The following PDE11A variants were observed in gnomAD, a reference collection of about 807,000 sequenced individuals.
PDE11A encodes the protein phosphodiesterase 11A.
A neutral mutation model predicts 100.5 loss-of-function variants in PDE11A; 100 were observed. The observed-to-expected ratio is 1.00, with a 90% CI of 0.85 to 1.18. The LOEUF (loss-of-function observed/expected upper bound fraction) is 1.18, where lower values mean the gene tolerates loss of function less well. Ranked by LOEUF, PDE11A falls within the 50% of genes most tolerant of loss-of-function variation. The pLI, the probability that PDE11A is intolerant of heterozygous loss-of-function variation, is 0.00. For missense variants in PDE11A, 1,141 were observed against 1,152.6 expected (o/e 0.99, Z 0.15); for synonymous variants, 381 against 420.8 (o/e 0.91, Z 1.16).
intron 9 of PDE11A, 36 bp downstream of exon 9, chr2:177,816,793 G>T: frequency 8.4e-7 from 1 of 1,184,660 alleles, no homozygotes; most frequent in South Asian, 1.2e-5. Context: ...AATTAGAGCT[G>T]ACAGCATACA....
At chr2:177,941,563 T>C (rs2085345886) in intron 2 of PDE11A, among the ~76,000 whole-genome samples, 1 of 152,128 alleles carries the variant, frequency 6.6e-6, no homozygotes, top group South Asian at 2.1e-4. Context: ...TTTCAATCTC[T>C]CTACAAAGAG....
chr2:177,819,864 C>CTCTT (rs1219516494), intron 7 of PDE11A, among the ~76,000 whole-genome samples: 1 of 114,788 alleles, frequency 8.7e-6, no homozygotes, highest in South Asian at 3.6e-4. Flanking sequence ...CTCTCTTTCT[C>CTCTT]TCTTTCTCTC....
At position 177,905,155 on chromosome 2, in the gene PDE11A, G is replaced by A. The variant is rs773645873; in HGVS notation, c.1104C>T (p.Ile368=). ...CAAAGAGCTGAGCGTTAGATATGGC[G>A]ATTCCACAAAATGGAAGATACATCT... ...VMQMYLPFCG[I]AISNAQLFAA... Residue 368 remains isoleucine (I), a synonymous_variant, in exon 3 of 20, where the codon ATC becomes ATT. Coordinates refer to ENST00000286063, the MANE Select transcript of PDE11A (RefSeq NM_016953.4). 3.1e-6 allele frequency: 5 copies of A among 1,607,600 alleles called. No homozygotes were observed. Among genetic ancestry groups the A allele is most frequent in the Middle Eastern group, 1.6e-4 (1 of 6,074 alleles).
intron 10 of PDE11A, among the ~76,000 whole-genome samples, chr2:177,768,039 A>T (rs1375507053): frequency 6.6e-6 from 1 of 152,098 alleles, no homozygotes; most frequent in Non-Finnish European, 1.5e-5. Flanking sequence ...TTACAATTGC[A>T]GGTCTTTCCC....
intron 5 of PDE11A, among the ~76,000 whole-genome samples, chr2:177,847,055 T>G (rs1216185360): frequency 6.6e-6 from 1 of 152,184 alleles, no homozygotes; most frequent in East Asian, 1.9e-4. Flanking sequence ...AACATCATTC[T>G]TCTCCCACCT....
intron 4 of PDE11A, among the ~76,000 whole-genome samples, chr2:177,885,709 C>T (rs539977894): frequency 1.3e-5 from 2 of 152,138 alleles, no homozygotes; most frequent in Non-Finnish European, 2.9e-5. Context: ...CACTGAATTA[C>T]GGACTGCCCC....
chr2:178,081,436 T>C (rs956032790), intron 2 of PDE11A, among the ~76,000 whole-genome samples: 2 of 152,230 alleles, frequency 1.3e-5, no homozygotes, highest in African/African-American at 4.8e-5. Flanking sequence ...ATTCATGCTA[T>C]ACTACAATAA....
chr2:177,900,296 A>T (rs2084676890), intron 3 of PDE11A, among the ~76,000 whole-genome samples: 1 of 152,120 alleles, frequency 6.6e-6, no homozygotes, highest in Non-Finnish European at 1.5e-5. Context: ...CTCAAGTCTG[A>T]CCTCTCACAA....
intron 5 of PDE11A, among the ~76,000 whole-genome samples, chr2:177,849,887 A>G (rs1161448084): frequency 6.6e-6 from 1 of 152,174 alleles, no homozygotes; most frequent in African/African-American, 2.4e-5. Flanking sequence ...ATAAAAGAGG[A>G]TACAAAGAAA....
chr2:178,046,495 A>G (rs1458522229), intron 1 of PDE11A, among the ~76,000 whole-genome samples: 1 of 152,160 alleles, frequency 6.6e-6, no homozygotes, highest in Non-Finnish European at 1.5e-5. Context: ...TCTCCTTTCT[A>G]CTTAGGTTTC....
chr2:177,829,784 G>T (rs1352611529), intron 6 of PDE11A, among the ~76,000 whole-genome samples: 1 of 151,966 alleles, frequency 6.6e-6, no homozygotes, highest in Non-Finnish European at 1.5e-5. Flanking sequence ...TGGCCTCTAA[G>T]AATCCCACCT....
rs143017775 is a variant in PDE11A, at chr2:177,731,224, T to G, written c.1789-3052A>C. Among the ~76,000 whole-genome samples, 567 of 152,344 alleles carry G rather than the reference T, an allele frequency of 3.7e-3. 5 individuals are homozygous for G. Among genetic ancestry groups the G allele is most frequent in the African/African-American group, 0.013 (546 of 41,578 alleles). On this transcript the variant is annotated intron_variant, in intron 10 of 19. Coordinates refer to ENST00000286063, the MANE Select transcript of PDE11A (RefSeq NM_016953.4). ...TCATCAGCCAACTTTCAAGAAATTA[T>G]TTTAATACATTAGAGGCTTTAGAAA...
intron 9 of PDE11A, among the ~76,000 whole-genome samples, chr2:177,810,663 G>C (rs1392946476): frequency 8.3e-6 from 1 of 120,256 alleles, no homozygotes. Flanking sequence ...GAGAGCCAGG[G>C]GTAGGAAAGT....
intron 18 of PDE11A, 131 bp from the exon 19 acceptor site, chr2:177,664,080 T>C (rs2080531717): frequency 1.5e-6 from 1 of 668,406 alleles, no homozygotes; most frequent in Non-Finnish European, 2.7e-6. Flanking sequence ...AATCAATCTT[T>C]ACACATACTT....
intron 2 of PDE11A, among the ~76,000 whole-genome samples, chr2:177,983,686 G>A (rs992652807): frequency 6.6e-6 from 1 of 152,040 alleles, no homozygotes; most frequent in Admixed American, 6.6e-5. Flanking sequence ...AAACTTTTTT[G>A]TATGTTCTGG....
chr2:178,096,169 C>CTTTTTTTTTTTTTTTTTTTT lies in PDE11A; in HGVS notation c.162+8132_162+8133insAAAAAAAAAAAAAAAAAAAA, dbSNP rs71010857. ...AGAAAACAGGTTTTTCTTTTCTTTT[C>CTTTTTTTTTTTTTTTTTTTT]TTTTTTTTTTTTGAGATGGAGTCTC... is the stretch of plus-strand genomic sequence containing the variant. On this transcript the variant is annotated intron_variant, in intron 2 of 20. Coordinates refer to the PDE11A transcript ENST00000358450. 2.7e-4 allele frequency among the ~76,000 whole-genome samples: 33 copies of CTTTTTTTTTTTTTTTTTTTT among 120,126 alleles called. 2 individuals are homozygous for CTTTTTTTTTTTTTTTTTTTT. Among genetic ancestry groups the CTTTTTTTTTTTTTTTTTTTT allele is most frequent in the South Asian group, 5.6e-4 (2 of 3,584 alleles). The allele number at this position is 120,126 out of a possible 152,430, so 78.8% of individuals were successfully genotyped here.
At chr2:178,045,761 T>C (rs904855676) in intron 1 of PDE11A, among the ~76,000 whole-genome samples, 3 of 152,236 alleles carry the variant, frequency 2.0e-5, no homozygotes, top group African/African-American at 7.2e-5. Context: ...CCTGACACAA[T>C]TGTTGGGATC....
At chr2:177,844,027 A>G (rs771585544) in intron 5 of PDE11A, among the ~76,000 whole-genome samples, 2 of 152,328 alleles carry the variant, frequency 1.3e-5, no homozygotes, top group Non-Finnish European at 2.9e-5. Context: ...CTTCAGTTTA[A>G]TGTTGCACAG....
chr2:177,858,890 T>C (rs2083891719), intron 5 of PDE11A, among the ~76,000 whole-genome samples: 1 of 152,026 alleles, frequency 6.6e-6, no homozygotes, highest in African/African-American at 2.4e-5. Flanking sequence ...ATGTGGCACA[T>C]ATACACCATG....
Sources: allele counts gnomAD v4.1 joint callset (sites outside exome capture counted in the v4.1 genomes callset), GRCh38; gene constraint gnomAD v4.1.1; transcripts MANE v1.5; gene names NCBI Gene and HGNC (gene_info 2026-07-23, HGNC 2026-07-21).